Variants in CTTN observed in about 807,000 individuals in gnomAD.
CTTN encodes src substrate cortactin.
In CTTN, 28 loss-of-function variants were observed where a neutral mutation model predicts 84.0. The observed-to-expected ratio is 0.33, with a 90% CI of 0.25 to 0.46. The LOEUF (loss-of-function observed/expected upper bound fraction) is 0.46. Ranked by LOEUF, CTTN falls within the 20% of genes least tolerant of loss-of-function variation. The pLI, the probability that CTTN is intolerant of heterozygous loss-of-function variation, is 1.00. For synonymous variants in CTTN, 301 were observed against 288.8 expected, an observed-to-expected ratio of 1.04 and a Z score of -0.43; for missense variants, 641 against 723.8, an observed-to-expected ratio of 0.89 and a Z score of 1.31.
At chr11:70,408,577 C>G (rs1001907923) in intron 4 of CTTN, among the ~76,000 whole-genome samples, 23 of 152,158 alleles carry the variant, frequency 1.5e-4, no homozygotes, top group African/African-American at 5.3e-4. Flanking sequence ...GCTTTTATTT[C>G]TTGTAAAGAT....
chr11:70,410,734 C>G (rs148667105), intron 5 of CTTN, among the ~76,000 whole-genome samples: 4 of 152,274 alleles, frequency 2.6e-5, no homozygotes, highest in Non-Finnish European at 5.9e-5. Flanking sequence ...ACTTTTGAGT[C>G]TGAGCAACAT....
chr11:70,422,115 A>T (rs1030971692), intron 11 of CTTN: 6 of 226,316 alleles, frequency 2.7e-5, no homozygotes, highest in African/African-American at 4.5e-5. Context: ...GTTCTGTTTG[A>T]TGACACCATA....
intron 15 of CTTN, 133 bp from the exon 16 acceptor site, chr11:70,432,968 C>T (rs1028006602): frequency 1.5e-5 from 14 of 929,952 alleles, no homozygotes; most frequent in Admixed American, 5.0e-5. Flanking sequence ...TCCTATACCG[C>T]GTCTGTTTTC....
chr11:70,399,662 C>T (rs182358387), intron 1 of CTTN, among the ~76,000 whole-genome samples: 206 of 152,292 alleles, frequency 1.4e-3, no homozygotes, highest in African/African-American at 4.8e-3. Flanking sequence ...TGCCTGATCC[C>T]TGAAGCTGGA....
rs2058055423 is a variant in CTTN, at chr11:70,407,519, A to G, written c.89A>G (p.Asn30Ser). ...TTTACTGGTCGCTTTTCTTTTCAGAATGATGTGAGTGAGAAGGAGCAAAGA... is the reference window on the plus strand; with the variant it reads ...TTTACTGGTCGCTTTTCTTTTCAGAGTGATGTGAGTGAGAAGGAGCAAAGA... ...DDWETDPDFV[N>S]DVSEKEQRWG... The change falls in exon 4 of 18, where the codon AAT becomes AGT. Residue 30 changes from asparagine to serine, a missense_variant and splice_region_variant. Physicochemically the swap from Asn to Ser is conservative, Grantham distance 46. This residue lies in a region of CTTN where 284 missense variants were observed against 348.4 expected (regional missense o/e 0.82). Coordinates refer to ENST00000301843, the MANE Select transcript of CTTN (RefSeq NM_005231.4). 1.9e-6 allele frequency: 3 copies of G among 1,613,898 alleles called. No individual in the cohort carries two copies. Among genetic ancestry groups the G allele is most frequent in the Non-Finnish European group, 2.5e-6 (3 of 1,180,034 alleles).
In CTTN at chr11:70,435,124, G is replaced by A. The variant is rs1468747617; in HGVS notation, c.1615G>A (p.Gly539Arg). The A allele has an allele frequency of 1.9e-6, 3 of 1,613,308 alleles. No individual in the cohort carries two copies. Among genetic ancestry groups the A allele is most frequent in the Non-Finnish European group, 2.5e-6 (3 of 1,179,938 alleles). The stretch of plus-strand genomic sequence containing the variant: ...GCGCGGGGTGTGCAAGGGCCGGTAC[G>A]GGCTCTTCCCAGCCAACTATGTGGA... ...WWRGVCKGRYGLFPANYVELR... is the reference protein window; with the variant it reads ...WWRGVCKGRYRLFPANYVELR... Residue 539 changes from glycine to arginine, a missense_variant, in exon 18 of 18, where the codon GGG (glycine) becomes AGG (arginine). By Grantham distance (125) the Gly-to-Arg change is moderately radical (BLOSUM62 -2). Transcript: ENST00000301843.
At chr11:70,434,349 C>T (rs971230266) in intron 17 of CTTN, among the ~76,000 whole-genome samples, 11 of 152,372 alleles carry the variant, frequency 7.2e-5, no homozygotes, top group Middle Eastern at 6.8e-3. Flanking sequence ...TCCACAAAGT[C>T]ACCACCACCC....
chr11:70,433,417 C>A, intron 16 of CTTN, 139 bp downstream of exon 16: 1 of 960,424 alleles, frequency 1.0e-6, no homozygotes, highest in Non-Finnish European at 1.5e-6. Context: ...GTCTTCTTGT[C>A]CCTGGAGGGA....
intron 12 of CTTN, among the ~76,000 whole-genome samples, chr11:70,423,957 C>T (rs764888939): frequency 2.6e-5 from 4 of 151,934 alleles, no homozygotes; most frequent in East Asian, 3.9e-4. Flanking sequence ...TGGAGGGGCT[C>T]GGGTGGTGGA....
Position 70,429,293 on chromosome 11 carries a change from C to T in CTTN, c.1176+94C>T, listed in dbSNP as rs946131032. On this transcript the variant is annotated intron_variant, in intron 14 of 17. Coordinates refer to ENST00000301843, the MANE Select transcript of CTTN (RefSeq NM_005231.4). ...GGGCCTGGGCGGGGCTTATTCTCTC[C>T]TGGCCAGGTTTTCCTTGGAAGGCAT... 2.1e-6 allele frequency: 3 copies of T among 1,423,698 alleles called. No homozygotes were observed. In the African/African-American group the frequency reaches 4.3e-5, roughly 20 times the overall value. The allele number at this position is 1,423,698 out of a possible 1,614,324, so 88.2% of individuals were successfully genotyped here.
At chr11:70,412,650 G>A (rs904951178) in intron 5 of CTTN, among the ~76,000 whole-genome samples, 3 of 152,194 alleles carry the variant, frequency 2.0e-5, no homozygotes, top group Non-Finnish European at 2.9e-5. Flanking sequence ...GCTGGGGCCT[G>A]AGCACACTGC....
intron 1 of CTTN, among the ~76,000 whole-genome samples, chr11:70,401,483 A>G (rs1008713779): frequency 2.0e-5 from 3 of 151,686 alleles, no homozygotes; most frequent in African/African-American, 7.3e-5. Context: ...CTCAAAAGAA[A>G]AAAGAAAAAG....
chr11:70,435,296 TATACACATTGC>T lies in CTTN; in HGVS notation c.*135_*145del. 1 of 636,992 alleles carries T rather than the reference TATACACATTGC, an allele frequency of 1.6e-6. No homozygotes were observed. The highest frequency in any genetic ancestry group is 2.1e-5 in the African/African-American group (1 of 47,156). The allele number at this position is 636,992 out of a possible 1,614,324, so 39.5% of individuals were successfully genotyped here. ...TTTTTTTTGAAGGTGGGGAGGGGAA[TATACACATTGC>T]TTTTATATTTAATACTTTTGCTGAT... On this transcript the variant is annotated 3_prime_UTR_variant, in exon 18 of 18. Transcript: ENST00000301843.
At position 70,425,340 on chromosome 11, in the gene CTTN, A is replaced by C; in HGVS notation, c.966A>C (p.Ser322=). The C allele has an allele frequency of 6.2e-7, 1 of 1,612,378 alleles. No individual in the cohort carries two copies. The highest frequency in any genetic ancestry group is 8.5e-7 in the Non-Finnish European group (1 of 1,179,338). The change falls in exon 13 of 18, where the codon TCA becomes TCC. Residue 322 remains serine (S), a synonymous_variant. Transcript: ENST00000301843. ...VQKDRMDKNA[S]TFEDVTQVSS... is the part of the protein sequence containing the mutation. The stretch of plus-strand genomic sequence containing the variant: ...ATGTCCTGTCTCTGCAGAATGCGTC[A>C]ACCTTTGAGGATGTCACCCAGGTGT...
chr11:70,419,308 T>A (rs1462868512), intron 8 of CTTN, among the ~76,000 whole-genome samples: 1 of 151,818 alleles, frequency 6.6e-6, no homozygotes, highest in Non-Finnish European at 1.5e-5. Flanking sequence ...TGGGGTTTCA[T>A]AATGTTGGTC....
chr11:70,401,659 A>G (rs972258083), intron 1 of CTTN, among the ~76,000 whole-genome samples: 2 of 151,528 alleles, frequency 1.3e-5, no homozygotes, highest in African/African-American at 4.9e-5. Context: ...AACAAAAAAA[A>G]ACAAAAAAAA....
At chr11:70,432,604 G>A (rs561592266) in intron 15 of CTTN, among the ~76,000 whole-genome samples, 1 of 152,380 alleles carries the variant, frequency 6.6e-6, no homozygotes, top group South Asian at 2.1e-4. Flanking sequence ...AGTTGAATGT[G>A]ATTCTTTGGC....
intron 13 of CTTN, among the ~76,000 whole-genome samples, chr11:70,426,675 C>T (rs1048305990): frequency 2.0e-5 from 3 of 151,554 alleles, no homozygotes; most frequent in African/African-American, 7.3e-5. Context: ...CTCCGCCTCC[C>T]ATCCCGGGTT....
intron 11 of CTTN, 82 bp from the exon 12 acceptor site, chr11:70,422,847 TTGGGCTGTTTC>T: frequency 6.3e-7 from 1 of 1,595,544 alleles, no homozygotes; most frequent in Non-Finnish European, 8.6e-7. Context: ...GTGCACCTTC[TTGGGCTGTTTC>T]TGGATCTGTC....
Sources: gnomAD v4.1 joint callset for allele counts (sites outside exome capture counted in the v4.1 genomes callset) on GRCh38, gnomAD v4.1.1 for gene constraint, gnomAD v4.1.1 regional missense constraint, MANE v1.5 for transcripts, NCBI Gene and HGNC (gene_info 2026-07-23, HGNC 2026-07-21) for gene names.